MSRA: variants seen among roughly 807,000 people sequenced by gnomAD.
MSRA encodes the protein methionine sulfoxide reductase A.
MSRA carries 54 observed loss-of-function variants against 31.3 expected under a neutral mutation model. The ratio of observed to expected loss-of-function variants is 1.73; its 90% CI spans 1.39 to 2.17. The LOEUF (loss-of-function observed/expected upper bound fraction) is 2.17, where lower values mean the gene tolerates loss of function less well. MSRA is among the 30% of genes most tolerant of loss of function. The pLI, the probability that MSRA is intolerant of heterozygous loss-of-function variation, is 0.00. For missense variants in MSRA, 507 were observed against 300.9 expected (o/e 1.69, Z -5.07); for synonymous variants, 169 against 116.5 (o/e 1.45, Z -2.90).
chr8:10,380,971 A>G (rs761095271), intron 5 of MSRA, among the ~76,000 whole-genome samples: 2 of 151,850 alleles, frequency 1.3e-5, no homozygotes, highest in Non-Finnish European at 2.9e-5. Flanking sequence ...ACGGATGGGT[A>G]GAAGGATGGA....
intron 5 of MSRA, among the ~76,000 whole-genome samples, chr8:10,389,593 T>G (rs577534953): frequency 1.2e-4 from 18 of 152,262 alleles, no homozygotes; most frequent in Admixed American, 3.3e-4. Flanking sequence ...CCTAGGCATC[T>G]TTTCTCTTCT....
At chr8:10,149,919 TGGC>T (rs1803515437) in intron 1 of MSRA, among the ~76,000 whole-genome samples, 1 of 13,066 alleles carries the variant, frequency 7.7e-5, no homozygotes, top group African/African-American at 1.7e-4. Context: ...TTTTTTTTTT[TGGC>T]CAACTTTATC....
At chr8:10,119,238 G>A (rs6601414) in intron 1 of MSRA, among the ~76,000 whole-genome samples, 75,377 of 152,092 alleles carry the variant, frequency 0.5, 19,729 homozygotes, top group East Asian at 0.95. Flanking sequence ...TAATATTGCT[G>A]TATAATTTGT....
chr8:10,245,599 A>G (rs1038354892), intron 3 of MSRA, among the ~76,000 whole-genome samples: 1 of 152,236 alleles, frequency 6.6e-6, no homozygotes, highest in Non-Finnish European at 1.5e-5. Context: ...CCTGGGGGCT[A>G]GTCAGCCTAG....
chr8:10,136,372 G>A (rs1320411597), intron 1 of MSRA, among the ~76,000 whole-genome samples: 5 of 152,190 alleles, frequency 3.3e-5, no homozygotes, highest in African/African-American at 1.2e-4. Context: ...TCTCGTTCAT[G>A]TTACACAGCT....
At chr8:10,391,778 G>A (rs1348311290) in intron 5 of MSRA, among the ~76,000 whole-genome samples, 2 of 152,306 alleles carry the variant, frequency 1.3e-5, no homozygotes, top group South Asian at 2.1e-4. Flanking sequence ...TTATTTGTTT[G>A]TGGCTTCATT....
chr8:10,271,059 T>C (rs1431160019), intron 3 of MSRA, among the ~76,000 whole-genome samples: 1 of 133,220 alleles, frequency 7.5e-6, no homozygotes, highest in Non-Finnish European at 1.7e-5. Context: ...GTTTGAGTTC[T>C]TTCTTCTTTT....
intron 5 of MSRA, among the ~76,000 whole-genome samples, chr8:10,322,200 T>C (rs941812008): frequency 2.7e-5 from 4 of 150,802 alleles, no homozygotes; most frequent in African/African-American, 9.8e-5. Flanking sequence ...AGCAGACCTA[T>C]GAGGATGAGG....
chr8:10,383,230 A>G (rs1012344119), intron 5 of MSRA, among the ~76,000 whole-genome samples: 1 of 152,124 alleles, frequency 6.6e-6, no homozygotes, highest in East Asian at 1.9e-4. Context: ...CTTCCACAGG[A>G]GCTCCTGTGT....
At chr8:10,343,230 A>C (rs2129152384) in intron 5 of MSRA, among the ~76,000 whole-genome samples, 1 of 152,304 alleles carries the variant, frequency 6.6e-6, no homozygotes, top group African/African-American at 2.4e-5. Flanking sequence ...CGCAGGGGAA[A>C]GGGATTCCAG....
chr8:10,094,931 A>G (rs1799047574), intron 1 of MSRA, among the ~76,000 whole-genome samples: 1 of 152,222 alleles, frequency 6.6e-6, no homozygotes, highest in Non-Finnish European at 1.5e-5. Context: ...TGTTTTATCA[A>G]AAGAACTCTT....
intron 1 of MSRA, among the ~76,000 whole-genome samples, chr8:10,115,343 C>T (rs1210766680): frequency 6.6e-6 from 1 of 152,170 alleles, no homozygotes; most frequent in East Asian, 1.9e-4. Context: ...CCATTGAAGA[C>T]TTGGACAGAG....
chr8:10,391,702 A>G (rs1377341023), intron 5 of MSRA, among the ~76,000 whole-genome samples: 1 of 152,190 alleles, frequency 6.6e-6, no homozygotes, highest in Non-Finnish European at 1.5e-5. Context: ...GAGCACGCCT[A>G]ACAGCTCTGC....
chr8:10,111,611 A>G (rs1393221662), intron 1 of MSRA, among the ~76,000 whole-genome samples: 1 of 152,202 alleles, frequency 6.6e-6, no homozygotes, highest in Non-Finnish European at 1.5e-5. Context: ...TAAAGGCAAA[A>G]TATATGAATG....
chr8:10,092,528 C>T (rs1255332703), intron 1 of MSRA, among the ~76,000 whole-genome samples: 2 of 152,050 alleles, frequency 1.3e-5, no homozygotes, highest in Non-Finnish European at 2.9e-5. Flanking sequence ...CATGGTGGCG[C>T]ACGCCTTTAG....
intron 5 of MSRA, among the ~76,000 whole-genome samples, chr8:10,345,975 G>A (rs776342979): frequency 2.6e-5 from 4 of 152,162 alleles, no homozygotes; most frequent in Non-Finnish European, 5.9e-5. Flanking sequence ...CCTACCTACA[G>A]AATCATAGTT....
intron 5 of MSRA, among the ~76,000 whole-genome samples, chr8:10,340,188 C>T (rs979070836): frequency 8.5e-5 from 13 of 152,158 alleles, no homozygotes; most frequent in African/African-American, 3.1e-4. Context: ...ACCACAGTGA[C>T]ACACCTGCCC....
intron 1 of MSRA, among the ~76,000 whole-genome samples, chr8:10,107,365 C>T (rs11990610): frequency 6.6e-6 from 1 of 151,674 alleles, no homozygotes; most frequent in African/African-American, 2.4e-5. Context: ...TCCTTGTAAC[C>T]AAACCGATGA....
In MSRA at chr8:10,281,195, A is replaced by T. The variant is rs142795608; in HGVS notation, c.332-20339A>T. ...TAAAGCTGGTTGTTACCAGAGAAAA[A>T]AGCATTTTCTACCAAAATCACCAAT... On this transcript the variant is annotated intron_variant, in intron 3 of 5. Coordinates refer to ENST00000317173, the MANE Select transcript of MSRA (RefSeq NM_012331.5). Among the ~76,000 whole-genome samples, 1,256 of 152,306 alleles carry T rather than the reference A, an allele frequency of 8.2e-3. 16 individuals are homozygous for T. Among genetic ancestry groups the T allele is most frequent in the African/African-American group, 0.026 (1,080 of 41,574 alleles).
Sources: gnomAD v4.1 joint callset for allele counts (sites outside exome capture counted in the v4.1 genomes callset) on GRCh38, gnomAD v4.1.1 for gene constraint, MANE v1.5 for transcripts, NCBI Gene and HGNC (gene_info 2026-07-23, HGNC 2026-07-21) for gene names.